TNIK: variants seen among roughly 807,000 people sequenced by gnomAD.
TNIK encodes the protein TRAF2 and NCK-interacting protein kinase.
Under a neutral mutation model 191.3 loss-of-function variants are expected in TNIK, and 49 were observed. The ratio of observed to expected loss-of-function variants is 0.26; its 90% confidence interval spans 0.20 to 0.32. The LOEUF is 0.32. TNIK is among the 10% of genes least tolerant of loss of function. The pLI, the probability that TNIK is intolerant of heterozygous loss-of-function variation, is 1.00. For missense variants in TNIK, 1,155 were observed against 1,702.3 expected, an observed-to-expected ratio of 0.68 and a Z score of 5.66; for synonymous variants, 594 against 600.9, an observed-to-expected ratio of 0.99 and a Z score of 0.17.
At chr3:171,229,756 A>C (rs1259420914) in intron 2 of TNIK, among the ~76,000 whole-genome samples, 1 of 152,050 alleles carries the variant, frequency 6.6e-6, no homozygotes, top group Non-Finnish European at 1.5e-5. Context: ...TTTGACCCCC[A>C]TTCTGCTGCC....
chr3:171,343,699 T>C lies in TNIK; in HGVS notation c.123+25921A>G, dbSNP rs972717984. On this transcript the variant is annotated intron_variant, in intron 2 of 32. Coordinates refer to ENST00000436636, the MANE Select transcript of TNIK (RefSeq NM_015028.4). ...GATTATTTATACCACATCTCATATT[T>C]TCCTGCCTCTCAAAGTGCCTCTAGA... is the stretch of plus-strand genomic sequence containing the variant. Among the ~76,000 whole-genome samples, 6 of 152,312 alleles carry C rather than the reference T, an allele frequency of 3.9e-5. No individual in the cohort carries two copies. In the Middle Eastern group the frequency reaches 0.01, roughly 259 times the overall value.
intron 19 of TNIK, among the ~76,000 whole-genome samples, chr3:171,108,445 T>G (rs983629341): frequency 2.0e-4 from 30 of 152,192 alleles, no homozygotes; most frequent in African/African-American, 7.0e-4. Context: ...TAGTGCTAAA[T>G]GCTTTCCATG....
chr3:171,158,705 A>G (rs563890958), intron 11 of TNIK, among the ~76,000 whole-genome samples: 1 of 152,332 alleles, frequency 6.6e-6, no homozygotes, highest in African/African-American at 2.4e-5. Flanking sequence ...TTCTTATGGG[A>G]CACACATACA....
chr3:171,063,703 C>T lies in TNIK; in HGVS notation c.*178G>A. 3.8e-6 allele frequency: 2 copies of T among 533,300 alleles called. No individual in the cohort carries two copies. Among genetic ancestry groups the T allele is most frequent in the Non-Finnish European group, 3.2e-6 (1 of 310,028 alleles). The allele number at this position is 533,300 out of a possible 1,614,324, so 33.0% of individuals were successfully genotyped here. A position where few individuals can be genotyped will look rare whatever the true frequency, so the allele number is the denominator to read the frequency against. ...GCCACCTTTTTCTCTCCTTCTCAAC[C>T]AGGCTGCAACATTGAAAGATGGACT... On this transcript the variant is annotated 3_prime_UTR_variant, in exon 33 of 33. Coordinates refer to ENST00000436636, the MANE Select transcript of TNIK (RefSeq NM_015028.4).
intron 1 of TNIK, among the ~76,000 whole-genome samples, chr3:171,440,767 G>C (rs1334636982): frequency 2.0e-5 from 3 of 152,156 alleles, no homozygotes; most frequent in Non-Finnish European, 4.4e-5. Flanking sequence ...ATGAACAAAT[G>C]GCACATTATG....
At chr3:171,144,189 A>G (rs2108649733) in intron 12 of TNIK, among the ~76,000 whole-genome samples, 1 of 152,352 alleles carries the variant, frequency 6.6e-6, no homozygotes, top group East Asian at 1.9e-4. Context: ...GCATTGCTAA[A>G]AGTTATATTC....
At chr3:171,154,792 G>C (rs1000263607) in intron 12 of TNIK, among the ~76,000 whole-genome samples, 3 of 152,188 alleles carry the variant, frequency 2.0e-5, no homozygotes, top group African/African-American at 7.2e-5. Context: ...GTTTAATCAA[G>C]TTCCTGGAAC....
At chr3:171,233,388 G>GT (rs1258502535) in intron 2 of TNIK, among the ~76,000 whole-genome samples, 11 of 152,024 alleles carry the variant, frequency 7.2e-5, no homozygotes, top group African/African-American at 2.7e-4. Context: ...AGAATATGTA[G>GT]TAATGGCAGC....
chr3:171,261,464 C>G (rs1387392831), intron 2 of TNIK, among the ~76,000 whole-genome samples: 1 of 152,154 alleles, frequency 6.6e-6, no homozygotes, highest in African/African-American at 2.4e-5. Context: ...AATCTACTTT[C>G]AAACAAGAAC....
intron 2 of TNIK, among the ~76,000 whole-genome samples, chr3:171,237,503 GAA>G (rs35646907): frequency 2.9e-5 from 4 of 137,078 alleles, no homozygotes; most frequent in Non-Finnish European, 4.7e-5. Flanking sequence ...GATTCCCACG[GAA>G]AAAAAAAAAA....
intron 2 of TNIK, among the ~76,000 whole-genome samples, chr3:171,364,000 C>T (rs1404569849): frequency 6.6e-6 from 1 of 152,120 alleles, no homozygotes; most frequent in Non-Finnish European, 1.5e-5. Context: ...TAAATGATTA[C>T]AAAAAGTATA....
chr3:171,352,296 A>T (rs1713333899), intron 2 of TNIK, among the ~76,000 whole-genome samples: 1 of 152,188 alleles, frequency 6.6e-6, no homozygotes, highest in South Asian at 2.1e-4. Flanking sequence ...AACTCCAGAC[A>T]ATCCTCAGAA....
At chr3:171,189,592 G>C (rs1423019161) in intron 6 of TNIK, among the ~76,000 whole-genome samples, 1 of 152,184 alleles carries the variant, frequency 6.6e-6, no homozygotes, top group East Asian at 1.9e-4. Flanking sequence ...GCCGCTACTA[G>C]TGGTATGACC....
intron 18 of TNIK, among the ~76,000 whole-genome samples, chr3:171,122,801 A>G (rs1284792512): frequency 6.6e-6 from 1 of 152,192 alleles, no homozygotes; most frequent in Admixed American, 6.5e-5. Flanking sequence ...ATTTCAGTTG[A>G]TCCTAAAAAG....
intron 1 of TNIK, among the ~76,000 whole-genome samples, chr3:171,370,245 A>G (rs1716306632): frequency 6.6e-6 from 1 of 152,156 alleles, no homozygotes; most frequent in Admixed American, 6.5e-5. Flanking sequence ...CTTCTGTAAT[A>G]CTGCCTCTAC....
chr3:171,421,066 T>C (rs1296369352), intron 1 of TNIK, among the ~76,000 whole-genome samples: 1 of 152,204 alleles, frequency 6.6e-6, no homozygotes, highest in Non-Finnish European at 1.5e-5. Flanking sequence ...ACAGTACAAA[T>C]CCTACCCTTT....
chr3:171,075,584 TC>T, intron 28 of TNIK, among the ~76,000 whole-genome samples: 1 of 152,322 alleles, frequency 6.6e-6, no homozygotes, highest in Admixed American at 6.5e-5. Flanking sequence ...TAAAGCTATG[TC>T]CTTTGAACAT....
intron 1 of TNIK, among the ~76,000 whole-genome samples, chr3:171,403,264 A>C (rs942107079): frequency 1.3e-5 from 2 of 152,104 alleles, no homozygotes; most frequent in African/African-American, 2.4e-5. Context: ...AGAGTGTAGA[A>C]CTACACTAGT....
Position 171,284,420 on chromosome 3 carries a change from A to C in TNIK, c.124-56199T>G, listed in dbSNP as rs374061322. On this transcript the variant is annotated intron_variant, in intron 2 of 32. Transcript: ENST00000436636. ...CTGGGGCCTTCTCAACCAACTTCAC[A>C]CCCGCTTTCCAGGGCAGCTCAAAAC... is the stretch of plus-strand genomic sequence containing the variant. Among the ~76,000 whole-genome samples, 289 of 152,104 alleles carry C rather than the reference A, an allele frequency of 1.9e-3. 2 individuals carry two copies. The highest frequency in any genetic ancestry group is 6.4e-3 in the African/African-American group (267 of 41,468).
Sources: gnomAD v4.1 joint callset for allele counts (sites outside exome capture counted in the v4.1 genomes callset) on GRCh38, gnomAD v4.1.1 for gene constraint, MANE v1.5 for transcripts, NCBI Gene and HGNC (gene_info 2026-07-23, HGNC 2026-07-21) for gene names.